The following ZNF782 variants were observed in gnomAD, a reference collection of about 807,000 sequenced individuals.
ZNF782 encodes zinc finger protein 782.
A neutral mutation model predicts 13.0 loss-of-function variants in ZNF782; 12 were observed. The ratio of observed to expected loss-of-function variants is 0.92; its 90% CI spans 0.59 to 1.50. ZNF782 has a LOEUF of 1.50. ZNF782 is among the 40% of genes most tolerant of loss of function. ZNF782 has a pLI of 0.00. For synonymous variants in ZNF782, 284 were observed against 283.0 expected, an observed-to-expected ratio of 1.00 and a Z score of -0.04; for missense variants, 770 against 822.9, an observed-to-expected ratio of 0.94 and a Z score of 0.79.
the ZNF782 span, among the ~76,000 whole-genome samples, chr9:96,932,609 T>C: frequency 0.055 from 8,354 of 151,578 alleles, 349 homozygotes; most frequent in African/African-American, 0.18. Flanking sequence ...AGGGGCCTCA[T>C]GTCAACTGCC....
chr9:96,828,431 TA>T (rs1850697407), intron 4 of ZNF782, among the ~76,000 whole-genome samples: 1 of 152,142 alleles, frequency 6.6e-6, no homozygotes, highest in South Asian at 2.1e-4. Context: ...ACTCACAATG[TA>T]AAATTCACAA....
At chr9:96,921,059 G>C in the ZNF782 span, among the ~76,000 whole-genome samples, 1 of 147,856 alleles carries the variant, frequency 6.8e-6, no homozygotes, top group Non-Finnish European at 1.5e-5. Flanking sequence ...AACTAGGGAA[G>C]AAAGAGCCAT....
In ZNF782 at chr9:96,873,654, C is replaced by G. The variant is rs78234011; in HGVS notation, c.-457+1814G>C. 9.0e-3 allele frequency among the ~76,000 whole-genome samples: 1,367 copies of G among 152,346 alleles called. 18 individuals are homozygous for G. The highest frequency in any genetic ancestry group is 0.031 in the African/African-American group (1,307 of 41,570). Reference sequence around the variant, plus strand: ...GGCAGACGTTGCAGTGAGCAGTGAGCATGCCTGCGCTCCACCCTGGGTGAC... The same window carrying G: ...GGCAGACGTTGCAGTGAGCAGTGAGGATGCCTGCGCTCCACCCTGGGTGAC... On this transcript the variant is annotated intron_variant, in intron 1 of 5. Coordinates refer to the ZNF782 transcript ENST00000498811.
At chr9:96,907,310 G>A in the ZNF782 span, among the ~76,000 whole-genome samples, 2 of 152,216 alleles carry the variant, frequency 1.3e-5, no homozygotes, top group Non-Finnish European at 2.9e-5. Flanking sequence ...CTTATAGAAA[G>A]AGAAAGTAGA....
chr9:96,913,222 G>C, the ZNF782 span, among the ~76,000 whole-genome samples: 1 of 152,028 alleles, frequency 6.6e-6, no homozygotes. Context: ...GGCTGAGGCA[G>C]GAGAACCACT....
the ZNF782 span, chr9:96,893,422 T>A: frequency 6.6e-6 from 1 of 152,210 alleles, no homozygotes; most frequent in Non-Finnish European, 1.5e-5. Flanking sequence ...ACTTTTACAC[T>A]GTTGGTGGGA....
upstream of ZNF782, among the ~76,000 whole-genome samples, chr9:96,876,149 G>C (rs1409941738): frequency 6.6e-6 from 1 of 152,148 alleles, no homozygotes; most frequent in Non-Finnish European, 1.5e-5. Context: ...AAAAACAGCT[G>C]CCAAACACGT....
chr9:96,863,353 A>T (rs1458298383), intron 1 of ZNF782, among the ~76,000 whole-genome samples: 3 of 151,718 alleles, frequency 2.0e-5, no homozygotes, highest in Non-Finnish European at 2.9e-5. Flanking sequence ...TTAAAAATAA[A>T]AAAAAAAAAA....
the ZNF782 span, chr9:96,931,825 G>A: frequency 1.2e-6 from 2 of 1,612,164 alleles, no homozygotes; most frequent in Non-Finnish European, 1.7e-6. Context: ...CAACACACAG[G>A]CCGCCCCTCG....
intron 1 of ZNF782, among the ~76,000 whole-genome samples, chr9:96,871,401 C>T (rs577327749): frequency 6.6e-6 from 1 of 152,226 alleles, no homozygotes; most frequent in African/African-American, 2.4e-5. Flanking sequence ...TCAAGCAATC[C>T]TCCCATGTCA....
At chr9:96,886,377 A>G in the ZNF782 span, among the ~76,000 whole-genome samples, 1 of 152,220 alleles carries the variant, frequency 6.6e-6, no homozygotes, top group Non-Finnish European at 1.5e-5. Context: ...ACCTCTCATG[A>G]GTTTCTTAAA....
At chr9:96,825,170 A>C (rs1376798569) in intron 5 of ZNF782, among the ~76,000 whole-genome samples, 5 of 152,230 alleles carry the variant, frequency 3.3e-5, no homozygotes, top group Admixed American at 2.6e-4. Flanking sequence ...ACAAGGCTAC[A>C]GTAACCAAAA....
the ZNF782 span, among the ~76,000 whole-genome samples, chr9:96,930,891 T>G: frequency 3.7e-5 from 3 of 81,024 alleles, no homozygotes; most frequent in Admixed American, 1.1e-4. Context: ...TTTTTTTTTT[T>G]TTTTTTTTTT....
chr9:96,817,855 G>A lies in ZNF782; in HGVS notation c.*68C>T. The stretch of plus-strand genomic sequence containing the variant: ...CTATGTTAACAGTTCTCTCCTGTGT[G>A]TTCATTTATGTATTGTGAGGTTTGA... On this transcript the variant is annotated 3_prime_UTR_variant, in exon 6 of 6. Transcript: ENST00000481138. The A allele has an allele frequency of 1.5e-6, 2 of 1,377,402 alleles. No homozygotes were observed. Among genetic ancestry groups the A allele is most frequent in the Admixed American group, 4.7e-5 (2 of 42,190 alleles). The allele number at this position is 1,377,402 out of a possible 1,614,324, so 85.3% of individuals were successfully genotyped here.
In ZNF782 at chr9:96,843,896, G is replaced by A. The variant is rs80085255; in HGVS notation, c.142+994C>T. On this transcript the variant is annotated intron_variant, in intron 4 of 5. Coordinates refer to ENST00000481138, the MANE Select transcript of ZNF782 (RefSeq NM_001001662.3). ...GTCTGTAAAACATATATCTAATAAA[G>A]GTCTGAACTTCTTCAACTAAACAAA... Among the ~76,000 whole-genome samples the A allele has an allele frequency of 9.2e-3, 1,399 of 152,052 alleles. 50 individuals carry two copies. In the East Asian group the frequency reaches 0.1, roughly 11 times the overall value.
At position 96,819,437 on chromosome 9, in the gene ZNF782, G is replaced by A. The variant is rs1309161141; in HGVS notation, c.586C>T (p.Leu196Phe). ...TGAATAACTTCCTCCTTATGATGGA[G>A]GGTTTTCACAATTTTACTATAAGCG... ...SFAYSKIVKT[L>F]HHKEEVIQHQ... The change falls in exon 6 of 6, where the codon CTC (leucine) becomes TTC (phenylalanine). Residue 196 changes from leucine (L) to phenylalanine (F), a missense_variant. By Grantham distance (22) the Leu-to-Phe change is conservative. Transcript: ENST00000481138. 1.2e-6 allele frequency: 2 copies of A among 1,613,756 alleles called. No individual in the cohort carries two copies. The highest frequency in any genetic ancestry group is 8.5e-7 in the Non-Finnish European group (1 of 1,179,950).
intron 5 of ZNF782, among the ~76,000 whole-genome samples, chr9:96,823,118 C>A (rs1850481600): frequency 6.6e-6 from 1 of 152,072 alleles, no homozygotes; most frequent in Non-Finnish European, 1.5e-5. Flanking sequence ...TGTAAAAGGC[C>A]AGAGAGTAAA....
chr9:96,885,733 T>C, the ZNF782 span, among the ~76,000 whole-genome samples: 1 of 152,176 alleles, frequency 6.6e-6, no homozygotes, highest in Non-Finnish European at 1.5e-5. Context: ...GAAAAAAGTC[T>C]TGAAAGCATC....
At chr9:96,833,603 G>A (rs533972011) in intron 4 of ZNF782, among the ~76,000 whole-genome samples, 5 of 152,268 alleles carry the variant, frequency 3.3e-5, no homozygotes, top group Non-Finnish European at 5.9e-5. Context: ...TATCACTGAC[G>A]ATAACTTTGA....
Sources: allele counts gnomAD v4.1 joint callset (sites outside exome capture counted in the v4.1 genomes callset), GRCh38; gene constraint gnomAD v4.1.1; transcripts MANE v1.5; gene names NCBI Gene and HGNC (gene_info 2026-07-23, HGNC 2026-07-21).